The following ZFAND3 variants were observed in gnomAD, a reference collection of about 807,000 sequenced individuals.
ZFAND3 encodes zinc finger AN1-type containing 3.
ZFAND3 carries 10 observed loss-of-function variants against 29.6 expected under a neutral mutation model. The ratio of observed to expected loss-of-function variants is 0.34; its 90% CI spans 0.21 to 0.57. The LOEUF is 0.57. Among genes scored for constraint, ZFAND3 ranks in the 20% least tolerant of loss-of-function variants. ZFAND3 has a pLI of 0.86. For synonymous variants in ZFAND3, 128 were observed against 112.6 expected (o/e 1.14, Z -0.87); for missense variants, 230 against 304.5 (o/e 0.76, Z 1.82).
chr6:38,011,352 G>T (rs1581837319), intron 2 of ZFAND3, among the ~76,000 whole-genome samples: 1 of 152,148 alleles, frequency 6.6e-6, no homozygotes. Flanking sequence ...TACAGCAGCT[G>T]TATGCTTAAC....
intron 1 of ZFAND3, among the ~76,000 whole-genome samples, chr6:37,871,701 A>G (rs1764697897): frequency 6.6e-6 from 1 of 152,198 alleles, no homozygotes; most frequent in South Asian, 2.1e-4. Flanking sequence ...AGGTTATCAT[A>G]GTGTTGGTCT....
At chr6:37,854,045 G>A (rs1269450028) in intron 1 of ZFAND3, among the ~76,000 whole-genome samples, 1 of 152,050 alleles carries the variant, frequency 6.6e-6, no homozygotes, top group Non-Finnish European at 1.5e-5. Context: ...TCCGCCTCCT[G>A]GGTTCAAGCG....
intron 2 of ZFAND3, among the ~76,000 whole-genome samples, chr6:38,030,441 A>G (rs189881741): frequency 2.6e-5 from 4 of 152,276 alleles, no homozygotes; most frequent in Admixed American, 2.6e-4. Flanking sequence ...AGAGCAATTC[A>G]CACCAGTACT....
intron 1 of ZFAND3, among the ~76,000 whole-genome samples, chr6:37,922,555 T>C (rs539604645): frequency 1.8e-3 from 268 of 152,290 alleles, no homozygotes; most frequent in African/African-American, 6.0e-3. Flanking sequence ...TTCTGAGAAA[T>C]GTGCTGTTAG....
rs970030913 is a variant in ZFAND3 at position 38,041,248 on chromosome 6, T to A, written c.113-20345T>A. 7.2e-5 allele frequency among the ~76,000 whole-genome samples: 11 copies of A among 152,270 alleles called. 1 individual carries two copies. Among genetic ancestry groups the A allele is most frequent in the Admixed American group, 3.3e-4 (5 of 15,300 alleles). ...ATGTGATTAAGGTAGTGTGCTCATGTCTCTCCACTATAAAATTCCTGCATT... is the reference window on the plus strand; with the variant it reads ...ATGTGATTAAGGTAGTGTGCTCATGACTCTCCACTATAAAATTCCTGCATT... On this transcript the variant is annotated intron_variant, in intron 2 of 5. Coordinates refer to ENST00000287218, the MANE Select transcript of ZFAND3 (RefSeq NM_021943.3).
At chr6:38,011,695 T>C (rs1763155704) in intron 2 of ZFAND3, among the ~76,000 whole-genome samples, 1 of 152,218 alleles carries the variant, frequency 6.6e-6, no homozygotes, top group African/African-American at 2.4e-5. Flanking sequence ...GAACATTATT[T>C]GATTCTCCAC....
chr6:37,860,588 A>T (rs761161266), intron 1 of ZFAND3, among the ~76,000 whole-genome samples: 1 of 148,292 alleles, frequency 6.7e-6, no homozygotes, highest in South Asian at 2.1e-4. Context: ...GTCTTTCCTC[A>T]TTTGGACTTG....
intron 4 of ZFAND3, among the ~76,000 whole-genome samples, chr6:38,092,316 A>G (rs1308073943): frequency 6.6e-6 from 1 of 152,236 alleles, no homozygotes; most frequent in Non-Finnish European, 1.5e-5. Context: ...ATTCTGTAGG[A>G]ACATGCAAAA....
chr6:37,894,560 CAG>C (rs1765163165), intron 1 of ZFAND3, among the ~76,000 whole-genome samples: 1 of 151,910 alleles, frequency 6.6e-6, no homozygotes, highest in African/African-American at 2.4e-5. Flanking sequence ...TTTGTAGAGA[CAG>C]AATCTCTCTA....
intron 3 of ZFAND3, among the ~76,000 whole-genome samples, chr6:38,078,155 T>G (rs1333851664): frequency 1.3e-5 from 2 of 152,244 alleles, no homozygotes; most frequent in Non-Finnish European, 2.9e-5. Context: ...TAACAATTTC[T>G]ACTTGTTGGG....
chr6:38,091,375 G>C (rs1029098156), intron 4 of ZFAND3, among the ~76,000 whole-genome samples: 1 of 151,396 alleles, frequency 6.6e-6, no homozygotes, highest in African/African-American at 2.4e-5. Context: ...TCATTAATTA[G>C]CTGTTCTGTT....
intron 1 of ZFAND3, among the ~76,000 whole-genome samples, chr6:37,897,241 C>T (rs1199265412): frequency 6.6e-6 from 1 of 152,158 alleles, no homozygotes; most frequent in East Asian, 1.9e-4. Context: ...TGATCTCTAT[C>T]ACTGTAGTTT....
chr6:38,014,333 T>TTA (rs1260105918), intron 2 of ZFAND3, among the ~76,000 whole-genome samples: 4,622 of 145,386 alleles, frequency 0.032, 98 homozygotes, highest in African/African-American at 0.044. Flanking sequence ...TATTATTATT[T>TTA]TTTTTTTTTT....
At chr6:37,977,926 GTTCTTCCTTTCTTCCT>G (rs371426504) in intron 2 of ZFAND3, among the ~76,000 whole-genome samples, 10 of 107,000 alleles carry the variant, frequency 9.3e-5, no homozygotes, top group South Asian at 3.5e-4. Flanking sequence ...CCTTTCTTCC[GTTCTTCCTTTCTTCCT>G]TTCTTCCTTT....
intron 2 of ZFAND3, among the ~76,000 whole-genome samples, chr6:38,015,484 A>G (rs992312456): frequency 6.6e-6 from 1 of 152,198 alleles, no homozygotes; most frequent in African/African-American, 2.4e-5. Flanking sequence ...CAAAGGAGTC[A>G]GGTACAAGAG....
At chr6:37,889,257 A>G (rs755803905) in intron 1 of ZFAND3, among the ~76,000 whole-genome samples, 2 of 152,214 alleles carry the variant, frequency 1.3e-5, no homozygotes, top group Non-Finnish European at 2.9e-5. Flanking sequence ...AATGGGGAAT[A>G]AAACTTTCCC....
chr6:38,101,981 C>G (rs1765103493), intron 4 of ZFAND3, among the ~76,000 whole-genome samples: 1 of 152,004 alleles, frequency 6.6e-6, no homozygotes, highest in East Asian at 1.9e-4. Flanking sequence ...AACATTTCCC[C>G]CTTACATTAA....
intron 5 of ZFAND3, among the ~76,000 whole-genome samples, chr6:38,135,101 A>G (rs1765814191): frequency 2.0e-5 from 3 of 152,178 alleles, no homozygotes; most frequent in Non-Finnish European, 4.4e-5. Context: ...GGTTACTGGG[A>G]CAGGACCCAT....
At chr6:38,128,398 T>C (rs955472879) in intron 5 of ZFAND3, among the ~76,000 whole-genome samples, 3 of 152,352 alleles carry the variant, frequency 2.0e-5, no homozygotes, top group Admixed American at 6.5e-5. Context: ...TTAAATTCTT[T>C]AGTGGTAATT....
Sources: gnomAD v4.1 joint callset for allele counts (sites outside exome capture counted in the v4.1 genomes callset) on GRCh38, gnomAD v4.1.1 for gene constraint, MANE v1.5 for transcripts, NCBI Gene and HGNC (gene_info 2026-07-23, HGNC 2026-07-21) for gene names.